The following PDGFD variants were observed in gnomAD, a reference collection of about 807,000 sequenced individuals.
PDGFD encodes platelet-derived growth factor D.
In PDGFD, 30 loss-of-function variants were observed where a neutral mutation model predicts 44.7. That is an observed-to-expected ratio of 0.67 (90% CI 0.50 to 0.91). PDGFD has a LOEUF of 0.91. Ranked by LOEUF, PDGFD falls within the 40% of genes least tolerant of loss-of-function variation. The pLI is 0.00. For missense variants in PDGFD, 445 were observed against 457.8 expected (o/e 0.97, Z 0.25); for synonymous variants, 173 against 168.4 (o/e 1.03, Z -0.21).
chr11:103,988,762 A>T (rs865813650), intron 3 of PDGFD, among the ~76,000 whole-genome samples: 1 of 152,170 alleles, frequency 6.6e-6, no homozygotes, highest in Non-Finnish European at 1.5e-5. Context: ...TCACTGACTC[A>T]TTTGTAAAGT....
At chr11:104,083,676 GA>G (rs576039635) in intron 1 of PDGFD, among the ~76,000 whole-genome samples, 6 of 152,234 alleles carry the variant, frequency 3.9e-5, no homozygotes, top group Non-Finnish European at 7.4e-5. Flanking sequence ...TTGGAAGACT[GA>G]AAAAAATCTT....
At chr11:103,980,479 T>C (rs1007751439) in intron 3 of PDGFD, among the ~76,000 whole-genome samples, 2 of 152,122 alleles carry the variant, frequency 1.3e-5, no homozygotes, top group Admixed American at 1.3e-4. Context: ...GTGTCATTGC[T>C]GAATACAGCT....
intron 1 of PDGFD, among the ~76,000 whole-genome samples, chr11:104,060,636 T>C (rs750552863): frequency 6.6e-6 from 1 of 152,156 alleles, no homozygotes; most frequent in Non-Finnish European, 1.5e-5. Flanking sequence ...TCCAGCTTAG[T>C]AGCAGAGTGA....
At chr11:103,991,833 GCA>G (rs1859458127) in intron 3 of PDGFD, among the ~76,000 whole-genome samples, 1 of 152,168 alleles carries the variant, frequency 6.6e-6, no homozygotes, top group African/African-American at 2.4e-5. Flanking sequence ...CTAATGTCAT[GCA>G]GTATTATCAC....
Position 103,964,731 on chromosome 11 carries a change from C to T in PDGFD, c.511-17007G>A, listed in dbSNP as rs1203734023. Among the ~76,000 whole-genome samples the T allele has an allele frequency of 5.4e-4, 82 of 152,112 alleles. 1 individual carries two copies. Among genetic ancestry groups the T allele is most frequent in the Non-Finnish European group, 5.9e-5 (4 of 67,980 alleles). On this transcript the variant is annotated intron_variant, in intron 3 of 6. Transcript: ENST00000393158. The stretch of plus-strand genomic sequence containing the variant: ...TGTCCTCTGTGAGGTGCACAGGGAG[C>T]AGGTGAGGTCCACACAGAAGACAGA...
chr11:103,976,558 A>C (rs1859188360), intron 3 of PDGFD, among the ~76,000 whole-genome samples: 1 of 152,086 alleles, frequency 6.6e-6, no homozygotes, highest in Non-Finnish European at 1.5e-5. Flanking sequence ...AGAACTTCCA[A>C]TAGTATGTTG....
chr11:103,967,615 C>T (rs1388270011), intron 3 of PDGFD, among the ~76,000 whole-genome samples: 7 of 152,268 alleles, frequency 4.6e-5, no homozygotes, highest in Admixed American at 2.6e-4. Context: ...TATTAATACT[C>T]CCTTGCCACC....
At chr11:104,085,619 G>A (rs1861118334) in intron 1 of PDGFD, among the ~76,000 whole-genome samples, 1 of 152,046 alleles carries the variant, frequency 6.6e-6, no homozygotes, top group Admixed American at 6.5e-5. Flanking sequence ...CAAACCCATT[G>A]CATGTTAATA....
intron 1 of PDGFD, among the ~76,000 whole-genome samples, chr11:104,062,239 A>G (rs1264520872): frequency 6.6e-6 from 1 of 152,210 alleles, no homozygotes. Context: ...TGTCACACAG[A>G]AACAGATACC....
chr11:103,971,263 A>G (rs906924755), intron 3 of PDGFD, among the ~76,000 whole-genome samples: 2 of 152,188 alleles, frequency 1.3e-5, no homozygotes. Flanking sequence ...TCTAAGAAAA[A>G]GCAATAAAAG....
intron 1 of PDGFD, among the ~76,000 whole-genome samples, chr11:104,136,029 T>A (rs1861998748): frequency 6.6e-6 from 1 of 152,040 alleles, no homozygotes; most frequent in African/African-American, 2.4e-5. Context: ...AGGAGGGACC[T>A]CCAGGGAACA....
intron 3 of PDGFD, among the ~76,000 whole-genome samples, chr11:103,968,886 T>C (rs115643734): frequency 1.3e-5 from 2 of 152,176 alleles, no homozygotes; most frequent in African/African-American, 4.8e-5. Context: ...CAGTGGCTCA[T>C]GTTTCTCCAG....
At chr11:103,929,611 C>T (rs1858369658) in intron 5 of PDGFD, among the ~76,000 whole-genome samples, 1 of 152,174 alleles carries the variant, frequency 6.6e-6, no homozygotes, top group South Asian at 2.1e-4. Context: ...ACTAATGTCA[C>T]TAAGAACTGT....
intron 5 of PDGFD, among the ~76,000 whole-genome samples, chr11:103,937,604 C>A (rs957431508): frequency 1.3e-5 from 2 of 149,644 alleles, no homozygotes; most frequent in African/African-American, 5.0e-5. Flanking sequence ...GCACAATGTG[C>A]AGGTTTGTTA....
intron 6 of PDGFD, among the ~76,000 whole-genome samples, chr11:103,922,101 T>C (rs1591077256): frequency 6.6e-6 from 1 of 152,068 alleles, no homozygotes. Flanking sequence ...ATCTCTTTGA[T>C]GCTTCCTATG....
chr11:103,969,472 T>C (rs542250343), intron 3 of PDGFD, among the ~76,000 whole-genome samples: 26 of 128,694 alleles, frequency 2.0e-4, no homozygotes, highest in African/African-American at 7.0e-4. Flanking sequence ...ACACCAAGCC[T>C]GGTTTTTTTT....
chr11:104,063,109 T>C (rs1459704227), intron 1 of PDGFD, among the ~76,000 whole-genome samples: 1 of 152,146 alleles, frequency 6.6e-6, no homozygotes, highest in East Asian at 1.9e-4. Flanking sequence ...ATTATGCTGC[T>C]AAATAGTACA....
At chr11:104,163,016 G>C (rs1862411770) in intron 1 of PDGFD, among the ~76,000 whole-genome samples, 1 of 152,180 alleles carries the variant, frequency 6.6e-6, no homozygotes, top group African/African-American at 2.4e-5. Flanking sequence ...CAGTGACCCA[G>C]GTGTCCTCTA....
At chr11:104,064,925 C>T (rs1405124974) in intron 1 of PDGFD, among the ~76,000 whole-genome samples, 1 of 152,136 alleles carries the variant, frequency 6.6e-6, no homozygotes, top group African/African-American at 2.4e-5. Flanking sequence ...AGCATTGTTC[C>T]TGGGTGTATC....
Sources: allele counts gnomAD v4.1 joint callset (sites outside exome capture counted in the v4.1 genomes callset), GRCh38; gene constraint gnomAD v4.1.1; transcripts MANE v1.5; gene names NCBI Gene and HGNC (gene_info 2026-07-23, HGNC 2026-07-21).